CMTM4: variants seen among roughly 807,000 people sequenced by gnomAD.
CMTM4 encodes the protein CKLF like MARVEL transmembrane domain containing 4, also known as CKLF-like MARVEL transmembrane domain-containing protein 4.
A neutral mutation model predicts 19.0 loss-of-function variants in CMTM4; 8 were observed. The ratio of observed to expected loss-of-function variants is 0.42; its 90% CI spans 0.25 to 0.76. The LOEUF is 0.76. Ranked by LOEUF, CMTM4 falls within the 30% of genes least tolerant of loss-of-function variation. The pLI, the probability that CMTM4 is intolerant of heterozygous loss-of-function variation, is 0.27. For synonymous variants in CMTM4, 106 were observed against 121.1 expected (o/e 0.88, Z 0.82); for missense variants, 228 against 290.2 (o/e 0.79, Z 1.56).
downstream of CMTM4, chr16:66,612,473 TG>T: frequency 1.2e-6 from 1 of 825,564 alleles, no homozygotes; most frequent in Non-Finnish European, 1.9e-6. This position sits in a 1 kb window ranked among gnomAD's most constrained non-coding sequence, Gnocchi z 6.0. Context: ...CAGCGATCAC[TG>T]GGAACGGTAG....
intron 1 of CMTM4, among the ~76,000 whole-genome samples, chr16:66,675,799 C>G (rs1382013846): frequency 6.6e-6 from 1 of 152,202 alleles, no homozygotes; most frequent in African/African-American, 2.4e-5. Flanking sequence ...ATTATTTACA[C>G]ACGACAAGTG....
chr16:66,622,191 G>A lies in CMTM4; in HGVS notation c.494C>T (p.Ala165Val). ...IFGFLATAAY[A>V]VNTFLAVQKW... ...CTGCACTGCCAGGAATGTGTTCACT[G>A]CATATGCCGCAGTCGCCAAGAAGCC... Residue 165 changes from alanine to valine, a missense_variant, in exon 4 of 4, where the codon GCA (alanine) becomes GTA (valine). Physicochemically the swap from Ala to Val is moderately conservative, Grantham distance 64. Coordinates refer to ENST00000394106, the MANE Select transcript of CMTM4 (RefSeq NM_181521.3). The surrounding 1 kb of genome is among the most constrained non-coding windows in gnomAD (Gnocchi z 4.0). 1.2e-6 allele frequency: 2 copies of A among 1,613,960 alleles called. No homozygotes were observed. The highest frequency in any genetic ancestry group is 8.5e-7 in the Non-Finnish European group (1 of 1,179,974).
chr16:66,638,570 G>A (rs1343074137), intron 1 of CMTM4, among the ~76,000 whole-genome samples: 1 of 152,162 alleles, frequency 6.6e-6, no homozygotes, highest in Non-Finnish European at 1.5e-5. Context: ...GTTGAGAGGA[G>A]ATTTTAGGCT....
intron 1 of CMTM4, among the ~76,000 whole-genome samples, chr16:66,658,740 C>A (rs957920729): frequency 1.6e-4 from 25 of 152,262 alleles, no homozygotes; most frequent in African/African-American, 5.1e-4. Flanking sequence ...CCTCCCACCC[C>A]CAAGTGGAGA....
the CMTM4 span, chr16:66,604,853 C>T: frequency 1.5e-6 from 2 of 1,368,274 alleles, no homozygotes; most frequent in South Asian, 1.7e-5. Context: ...AGCCTGCCGG[C>T]GGCTCCCGTC....
At chr16:66,627,390 AT>A (rs1463411250) in intron 2 of CMTM4, among the ~76,000 whole-genome samples, 1 of 152,244 alleles carries the variant, frequency 6.6e-6, no homozygotes, top group Non-Finnish European at 1.5e-5. Flanking sequence ...ATACTCAAGT[AT>A]TTTAAGTGGT....
At chr16:66,659,657 G>A (rs762293177) in intron 1 of CMTM4, among the ~76,000 whole-genome samples, 3 of 152,144 alleles carry the variant, frequency 2.0e-5, no homozygotes, top group Non-Finnish European at 4.4e-5. Flanking sequence ...TTATTTTGAA[G>A]TAATATTGAT....
At chr16:66,659,464 AC>A (rs2016462915) in intron 1 of CMTM4, among the ~76,000 whole-genome samples, 1 of 152,134 alleles carries the variant, frequency 6.6e-6, no homozygotes, top group South Asian at 2.1e-4. Context: ...TCATCAGCAA[AC>A]AAATGACATA....
chr16:66,665,827 G>A (rs1480883756), intron 1 of CMTM4, among the ~76,000 whole-genome samples: 1 of 151,942 alleles, frequency 6.6e-6, no homozygotes, highest in Non-Finnish European at 1.5e-5. Flanking sequence ...CCAGCACTTT[G>A]GGAGGCTGAA....
At chr16:66,678,641 T>C (rs964132671) in intron 1 of CMTM4, among the ~76,000 whole-genome samples, 8 of 152,160 alleles carry the variant, frequency 5.3e-5, no homozygotes, top group East Asian at 3.8e-4. Context: ...GGAGAGACAA[T>C]TGATTCAACT....
chr16:66,633,102 A>AATATATATATATAT (rs371737613), intron 2 of CMTM4, among the ~76,000 whole-genome samples: 4 of 97,408 alleles, frequency 4.1e-5, no homozygotes, highest in African/African-American at 1.4e-4. Flanking sequence ...TATATATATA[A>AATATATATATATAT]ATATATATAT....
At chr16:66,666,768 G>C (rs2016601546) in intron 1 of CMTM4, among the ~76,000 whole-genome samples, 1 of 152,192 alleles carries the variant, frequency 6.6e-6, no homozygotes, top group African/African-American at 2.4e-5. Flanking sequence ...GCCCTTTGCA[G>C]CAACATGGAT....
At chr16:66,675,241 C>T (rs1473410279) in intron 1 of CMTM4, among the ~76,000 whole-genome samples, 4 of 150,496 alleles carry the variant, frequency 2.7e-5, no homozygotes, top group Admixed American at 1.3e-4. Flanking sequence ...CCAACATGCC[C>T]GGCTAATTTT....
chr16:66,692,060 C>T (rs1801256942), intron 1 of CMTM4, among the ~76,000 whole-genome samples: 3 of 151,490 alleles, frequency 2.0e-5, no homozygotes, highest in Non-Finnish European at 2.9e-5. Flanking sequence ...GACTATTTAT[C>T]GAAAGCTGGT....
intron 1 of CMTM4, among the ~76,000 whole-genome samples, chr16:66,665,866 C>T (rs564791433): frequency 3.6e-4 from 54 of 150,616 alleles, no homozygotes; most frequent in African/African-American, 1.2e-3. Flanking sequence ...GTTAGGAGTT[C>T]GAGACCAGCC....
chr16:66,604,484 T>G, the CMTM4 span: 1 of 223,710 alleles, frequency 4.5e-6, no homozygotes. Flanking sequence ...GGCAGACGGG[T>G]GGGAGCTCCG....
chr16:66,636,325 G>A, intron 2 of CMTM4, 80 bp downstream of exon 2: 2 of 1,145,048 alleles, frequency 1.7e-6, no homozygotes, highest in Non-Finnish European at 2.5e-6. Flanking sequence ...AACCAAACAT[G>A]ACCTGGAGAG....
intron 1 of CMTM4, among the ~76,000 whole-genome samples, chr16:66,689,446 CTG>C (rs113455929): frequency 1.4e-4 from 21 of 152,308 alleles, no homozygotes; most frequent in African/African-American, 5.1e-4. Flanking sequence ...CGGTCTCACT[CTG>C]TTGCCCAGGC....
At chr16:66,639,123 G>A (rs2030886965) in intron 1 of CMTM4, among the ~76,000 whole-genome samples, 1 of 152,048 alleles carries the variant, frequency 6.6e-6, no homozygotes, top group South Asian at 2.1e-4. Flanking sequence ...ATTCTCTACT[G>A]CACCATAGAC....
Sources: allele counts gnomAD v4.1 joint callset (sites outside exome capture counted in the v4.1 genomes callset), GRCh38; gene constraint gnomAD v4.1.1; non-coding constraint Gnocchi (gnomAD v3.1); transcripts MANE v1.5; gene names NCBI Gene and HGNC (gene_info 2026-07-23, HGNC 2026-07-21).